The following CREB3L2 variants were observed in gnomAD, a reference collection of about 807,000 sequenced individuals.
CREB3L2 encodes the protein cAMP responsive element binding protein 3 like 2, also known as cyclic AMP-responsive element-binding protein 3-like protein 2.
A neutral mutation model predicts 57.2 loss-of-function variants in CREB3L2; 23 were observed. The observed-to-expected ratio is 0.40, with a 90% CI of 0.29 to 0.57. The LOEUF (loss-of-function observed/expected upper bound fraction) is 0.57. Among genes scored for constraint, CREB3L2 ranks in the 20% least tolerant of loss-of-function variants. The probability of loss-of-function intolerance (pLI) is 0.42; values close to 1 mark genes in which losing one functional copy is unlikely to be tolerated. For synonymous variants in CREB3L2, 268 were observed against 265.1 expected, an observed-to-expected ratio of 1.01 and a Z score of -0.11; for missense variants, 628 against 634.7, an observed-to-expected ratio of 0.99 and a Z score of 0.11.
At chr7:137,947,718 A>G (rs1801021295) in intron 1 of CREB3L2, among the ~76,000 whole-genome samples, 1 of 152,208 alleles carries the variant, frequency 6.6e-6, no homozygotes, top group Non-Finnish European at 1.5e-5. Context: ...AGTTTTTTAA[A>G]GAAACTTTTA....
At chr7:137,988,703 G>A (rs1296854950) in intron 1 of CREB3L2, among the ~76,000 whole-genome samples, 1 of 152,168 alleles carries the variant, frequency 6.6e-6, no homozygotes, top group Non-Finnish European at 1.5e-5. Flanking sequence ...AACTGCAAAT[G>A]ACACAGTCAC....
chr7:137,882,604 T>G lies in CREB3L2; in HGVS notation c.1295A>C (p.Tyr432Ser). ...CTCCTCTGGGGGAGAATGTTCCTCG[T>G]AGATCAGCAGGTTTCTGGATCTCAC... ...SVVRSRNLLIYEEHSPPEESS... is the reference protein window; with the variant it reads ...SVVRSRNLLISEEHSPPEESS... Residue 432 changes from tyrosine (Y) to serine (S), a missense_variant, in exon 11 of 12, where the codon TAC becomes TCC. By Grantham distance (144) the Tyr-to-Ser change is moderately radical (BLOSUM62 -2). Transcript: ENST00000330387. 2.5e-6 allele frequency: 4 copies of G among 1,607,666 alleles called. No individual in the cohort carries two copies. The highest frequency in any genetic ancestry group is 3.4e-6 in the Non-Finnish European group (4 of 1,175,500).
At chr7:137,922,240 T>A (rs570690373) in intron 2 of CREB3L2, among the ~76,000 whole-genome samples, 1 of 151,304 alleles carries the variant, frequency 6.6e-6, no homozygotes, top group African/African-American at 2.4e-5. Context: ...CTCAAAGTCA[T>A]CTTTGGAGAA....
intron 5 of CREB3L2, among the ~76,000 whole-genome samples, chr7:137,907,766 G>A (rs1004184565): frequency 1.3e-5 from 2 of 152,150 alleles, no homozygotes; most frequent in African/African-American, 4.8e-5. Context: ...GAGTTTCTGG[G>A]TTAAGAGTCA....
intron 4 of CREB3L2, chr7:137,912,718 T>TA: frequency 1.1e-6 from 1 of 890,276 alleles, no homozygotes. Flanking sequence ...TAGCAGTCCA[T>TA]AAAAGTTTTG....
rs1554498066 is a variant in CREB3L2, at chr7:137,922,457, C to CACAT, written c.319+5689_319+5692dup. On this transcript the variant is annotated intron_variant, in intron 2 of 11. Coordinates refer to ENST00000330387, the MANE Select transcript of CREB3L2 (RefSeq NM_194071.4). ...ATATACGTATATATATATATATACA[C>CACAT]ACATATATATATACACACATATATA... 4.1e-4 allele frequency: 47 copies of CACAT among 115,398 alleles called. 2 individuals are homozygous for CACAT. Among genetic ancestry groups the CACAT allele is most frequent in the African/African-American group, 1.8e-3 (42 of 23,544 alleles). 7.1% of individuals were successfully genotyped at this position (115,398 alleles called of 1,614,324 possible).
chr7:137,877,514 C>A lies in CREB3L2; in HGVS notation c.*2962G>T, dbSNP rs1344876264. The A allele has an allele frequency of 1.3e-5, 3 of 226,344 alleles. No individual in the cohort carries two copies. The East Asian group carries it at 1.9e-4, about 14-fold the overall frequency. 14.0% of individuals were successfully genotyped at this position (226,344 alleles called of 1,614,324 possible). ...GCAAAGTCGAGGGCTGTGAAAAGAA[C>A]CACGGTGGGGGGTCTGGGTTACTCA... On this transcript the variant is annotated 3_prime_UTR_variant, in exon 12 of 12. Coordinates refer to ENST00000330387, the MANE Select transcript of CREB3L2 (RefSeq NM_194071.4).
chr7:137,937,899 G>A (rs1252557943), intron 1 of CREB3L2, among the ~76,000 whole-genome samples: 1 of 142,438 alleles, frequency 7.0e-6, no homozygotes, highest in African/African-American at 2.6e-5. Flanking sequence ...TTTTTTTTTT[G>A]TAAATGAAGT....
In CREB3L2 at chr7:137,922,654, C is replaced by A. The variant is rs529689859; in HGVS notation, c.319+5496G>T. 172 of 448,690 alleles carry A rather than the reference C, an allele frequency of 3.8e-4. 4 individuals are homozygous for A. The highest frequency in any genetic ancestry group is 2.6e-3 in the South Asian group (164 of 63,596). 27.8% of individuals were successfully genotyped at this position (448,690 alleles called of 1,614,324 possible). On this transcript the variant is annotated intron_variant, in intron 2 of 11. Transcript: ENST00000330387. ...GGGTTTTGAACCATGCGGGTCCACT[C>A]ACAAGCAGATTTTTTTCAAATAAAC...
chr7:137,889,287 C>T (rs141194840), intron 8 of CREB3L2, among the ~76,000 whole-genome samples: 1 of 152,290 alleles, frequency 6.6e-6, no homozygotes, highest in East Asian at 1.9e-4. Flanking sequence ...TGGAATCCCC[C>T]ATTCCCCAGT....
At chr7:137,955,452 C>T in intron 1 of CREB3L2, 1 of 446,816 alleles carries the variant, frequency 2.2e-6, no homozygotes. Flanking sequence ...ACGTCCGGTT[C>T]AGAAATACTC....
In CREB3L2 at chr7:137,928,211, G is replaced by C; in HGVS notation, c.258C>G (p.Cys86Trp). Residue 86 changes from cysteine (C) to tryptophan (W), a missense_variant, in exon 2 of 12, where the codon TGC (cysteine) becomes TGG (tryptophan). By Grantham distance (215) the Cys-to-Trp change is radical (BLOSUM62 -2). This residue lies in a region of CREB3L2 where 339 missense variants were observed against 355.4 expected (regional missense o/e 0.95). Coordinates refer to ENST00000330387, the MANE Select transcript of CREB3L2 (RefSeq NM_194071.4). ...AGGGCGACTGGGCCCGAGGCTCCTC[G>C]CACAGGGAGTAGCTGTGCTCAGCCT... ...LIQAEHSYSL[C>W]EEPRAQSPFT... The C allele has an allele frequency of 6.2e-7, 1 of 1,607,396 alleles. No individual in the cohort carries two copies. The highest frequency in any genetic ancestry group is 8.5e-7 in the Non-Finnish European group (1 of 1,176,542).
chr7:137,967,640 T>C (rs937337526), intron 1 of CREB3L2, among the ~76,000 whole-genome samples: 3 of 152,176 alleles, frequency 2.0e-5, no homozygotes, highest in Non-Finnish European at 2.9e-5. Flanking sequence ...GGCTCTTCGA[T>C]TCTCTCCCAG....
intron 7 of CREB3L2, among the ~76,000 whole-genome samples, chr7:137,901,888 A>AAAG (rs1554495254): frequency 4.7e-5 from 7 of 149,146 alleles, no homozygotes; most frequent in African/African-American, 1.5e-4. Flanking sequence ...AAAAAAAAAA[A>AAAG]AAAAGAAAAA....
At chr7:137,973,977 G>A (rs1485349545) in intron 1 of CREB3L2, among the ~76,000 whole-genome samples, 1 of 151,932 alleles carries the variant, frequency 6.6e-6, no homozygotes. Context: ...GAGAAATGAT[G>A]GCACAGGGAA....
chr7:137,888,417 C>T (rs1231992722), intron 8 of CREB3L2, among the ~76,000 whole-genome samples: 4 of 152,068 alleles, frequency 2.6e-5, no homozygotes, highest in South Asian at 4.1e-4. Flanking sequence ...CTCTGTTCTC[C>T]CAGGACTTCC....
chr7:137,955,359 G>C, intron 1 of CREB3L2: 1 of 1,250,002 alleles, frequency 8.0e-7, no homozygotes, highest in Non-Finnish European at 1.0e-6. Flanking sequence ...GGATGGGGGA[G>C]GGCGAAGATG....
At chr7:137,985,814 T>C (rs1283668802) in intron 1 of CREB3L2, among the ~76,000 whole-genome samples, 1 of 152,172 alleles carries the variant, frequency 6.6e-6, no homozygotes. Flanking sequence ...AATTCAGTCA[T>C]GCAAATCAAT....
chr7:138,001,620 G>T lies in CREB3L2; in HGVS notation c.86C>A (p.Ala29Asp), dbSNP rs369713762. The T allele has an allele frequency of 6.4e-5, 104 of 1,612,848 alleles. No homozygotes were observed. Among genetic ancestry groups the T allele is most frequent in the Non-Finnish European group, 8.6e-5 (102 of 1,179,464 alleles). ...SELSEPGDGEALMYHTHFSEL... is the reference protein window; with the variant it reads ...SELSEPGDGEDLMYHTHFSEL... Reference sequence around the variant, plus strand: ...GGTCCTCACCGTGTGGTACATGAGGGCCTCGCCGTCCCCGGGCTCTGACAG... The same window carrying T: ...GGTCCTCACCGTGTGGTACATGAGGTCCTCGCCGTCCCCGGGCTCTGACAG... The change falls in exon 1 of 12, where the codon GCC becomes GAC. Residue 29 changes from alanine to aspartate, a missense_variant. Around this residue, in one of 3 missense-constraint regions of CREB3L2, gnomAD observed 339 missense variants for 355.4 expected, o/e 0.95. Coordinates refer to ENST00000330387, the MANE Select transcript of CREB3L2 (RefSeq NM_194071.4). This position sits in a 1 kb window ranked among gnomAD's most constrained non-coding sequence, Gnocchi z 4.2.
Sources: gnomAD v4.1 joint callset for allele counts (sites outside exome capture counted in the v4.1 genomes callset) on GRCh38, gnomAD v4.1.1 for gene constraint, gnomAD v4.1.1 regional missense constraint, Gnocchi (gnomAD v3.1) non-coding constraint, MANE v1.5 for transcripts, NCBI Gene and HGNC (gene_info 2026-07-23, HGNC 2026-07-21) for gene names.